Variants in ZNF254 observed in about 807,000 individuals in gnomAD.
ZNF254 encodes the protein CTD-2017D11.1.
Under a neutral mutation model 12.4 loss-of-function variants are expected in ZNF254, and 10 were observed. That is an observed-to-expected ratio of 0.80 (90% confidence interval 0.50 to 1.36). The LOEUF (loss-of-function observed/expected upper bound fraction) is 1.36, where lower values mean the gene tolerates loss of function less well. ZNF254 is among the 40% of genes most tolerant of loss of function. The pLI, the probability that ZNF254 is intolerant of heterozygous loss-of-function variation, is 0.00. For missense variants in ZNF254, 996 were observed against 763.9 expected (o/e 1.30, Z -3.58); for synonymous variants, 305 against 253.4 (o/e 1.20, Z -1.93).
At chr19:24,097,847 A>AC (rs1972765957) in intron 1 of ZNF254, among the ~76,000 whole-genome samples, 1 of 151,596 alleles carries the variant, frequency 6.6e-6, no homozygotes, top group African/African-American at 2.4e-5. Flanking sequence ...AACAACAACA[A>AC]AAAAAACAAT....
chr19:24,107,384 T>C (rs1298268379), intron 3 of ZNF254: 12 of 414,696 alleles, frequency 2.9e-5, no homozygotes, highest in Admixed American at 2.2e-4. Flanking sequence ...TTCATTGATA[T>C]ATCTTTCACT....
At chr19:24,071,116 CAGAG>C (rs949411164) in intron 2 of ZNF254, among the ~76,000 whole-genome samples, 144 of 152,210 alleles carry the variant, frequency 9.5e-4, no homozygotes, top group African/African-American at 3.4e-3. Context: ...TATGCAGAGA[CAGAG>C]GGAGGGGAGC....
intron 1 of ZNF254, among the ~76,000 whole-genome samples, chr19:24,040,904 T>A (rs1189084696): frequency 6.6e-6 from 1 of 152,254 alleles, no homozygotes; most frequent in Non-Finnish European, 1.5e-5. Context: ...CTCTGTGTGC[T>A]ATACTTTCTC....
intron 1 of ZNF254, among the ~76,000 whole-genome samples, chr19:24,036,672 T>G (rs62117633): frequency 0.14 from 21,551 of 152,146 alleles, 1,569 homozygotes; most frequent in East Asian, 0.18. Context: ...GGAGGGAGAC[T>G]CTTGGTTTCT....
Position 24,127,632 on chromosome 19 carries a change from A to T in ZNF254, c.1632A>T (p.Lys544Asn). The T allele has an allele frequency of 1.2e-6, 2 of 1,610,950 alleles. No homozygotes were observed. The highest frequency in any genetic ancestry group is 2.2e-5 in the South Asian group (2 of 90,952). ...TKHKIIHTEE[K>N]PYKCEKCGKA... ...ATAAGATAATTCATACTGAAGAGAA[A>T]CCCTACAAATGTGAAAAATGTGGCA... The change falls in exon 4 of 4, where the codon AAA becomes AAT. Residue 544 changes from lysine to asparagine, a missense_variant. Physicochemically the swap from Lys to Asn is moderately conservative, Grantham distance 94. Coordinates refer to ENST00000357002, the MANE Select transcript of ZNF254 (RefSeq NM_203282.4).
chr19:24,113,262 C>G (rs1179173973), intron 3 of ZNF254, among the ~76,000 whole-genome samples: 1 of 152,174 alleles, frequency 6.6e-6, no homozygotes, highest in Non-Finnish European at 1.5e-5. Context: ...CCTTGATGAA[C>G]ATCGATGCAA....
At position 24,038,847 on chromosome 19, in the gene ZNF254, C is replaced by G. The variant is rs1011782884; in HGVS notation, c.-190+5226C>G. Among the ~76,000 whole-genome samples the G allele has an allele frequency of 2.6e-5, 4 of 152,312 alleles. No homozygotes were observed. In the South Asian group the frequency reaches 8.3e-4, roughly 32 times the overall value. Reference sequence around the variant, plus strand: ...AACTATTCCAGCTCTGTCTTTCTATCCCCCTGGCATCTTCAGATGCGAAAT... The same window carrying G: ...AACTATTCCAGCTCTGTCTTTCTATGCCCCTGGCATCTTCAGATGCGAAAT... On this transcript the variant is annotated intron_variant, in intron 1 of 4. Coordinates refer to the ZNF254 transcript ENST00000613065.
At chr19:24,044,985 A>G (rs867887056) in intron 1 of ZNF254, among the ~76,000 whole-genome samples, 1 of 152,178 alleles carries the variant, frequency 6.6e-6, no homozygotes, top group African/African-American at 2.4e-5. Context: ...CCTTCAGAAT[A>G]TCTAATGTCT....
At chr19:24,076,793 G>T (rs371035849) in intron 2 of ZNF254, among the ~76,000 whole-genome samples, 1 of 152,102 alleles carries the variant, frequency 6.6e-6, no homozygotes, top group Non-Finnish European at 1.5e-5. Flanking sequence ...AAATAGATAC[G>T]CTTGATAATA....
chr19:24,113,022 A>T (rs1201118977), intron 3 of ZNF254, among the ~76,000 whole-genome samples: 2 of 152,226 alleles, frequency 1.3e-5, no homozygotes, highest in Non-Finnish European at 2.9e-5. Context: ...AAGGAGCTGA[A>T]ATTGTGGCAA....
At chr19:24,075,666 T>C (rs2063785418) in intron 2 of ZNF254, among the ~76,000 whole-genome samples, 1 of 152,204 alleles carries the variant, frequency 6.6e-6, no homozygotes. Flanking sequence ...TGTCCCGCTG[T>C]GCATGCATTG....
intron 3 of ZNF254, among the ~76,000 whole-genome samples, chr19:24,118,685 A>G (rs573431179): frequency 2.0e-5 from 3 of 152,158 alleles, no homozygotes; most frequent in African/African-American, 7.2e-5. Context: ...TTACTTACAT[A>G]TGCAGAAATT....
At chr19:24,059,874 C>G (rs889804487) in intron 2 of ZNF254, among the ~76,000 whole-genome samples, 4 of 152,130 alleles carry the variant, frequency 2.6e-5, no homozygotes, top group Admixed American at 6.5e-5. Context: ...GGACTGACAC[C>G]TAGGGGATGA....
At chr19:24,088,087 T>C (rs576536491) in intron 1 of ZNF254, among the ~76,000 whole-genome samples, 2 of 152,084 alleles carry the variant, frequency 1.3e-5, no homozygotes, top group African/African-American at 4.8e-5. Flanking sequence ...TTTTTATTTT[T>C]AGTAGAGACG....
intron 1 of ZNF254, chr19:24,091,888 T>A: frequency 1.0e-6 from 1 of 975,578 alleles, no homozygotes; most frequent in African/African-American, 1.8e-5. Flanking sequence ...TTAATTTTTT[T>A]TTTTTTTTTG....
chr19:24,069,724 G>C (rs1971414806), intron 2 of ZNF254, among the ~76,000 whole-genome samples: 1 of 151,878 alleles, frequency 6.6e-6, no homozygotes, highest in African/African-American at 2.4e-5. Flanking sequence ...AGGCCGAGGT[G>C]GGCGGATCAC....
intron 3 of ZNF254, among the ~76,000 whole-genome samples, chr19:24,115,510 T>A (rs1973991249): frequency 2.8e-5 from 4 of 143,262 alleles, no homozygotes; most frequent in African/African-American, 1.1e-4. Context: ...AAAATCACAC[T>A]CTGGGGATTG....
intron 1 of ZNF254, chr19:24,105,219 AG>A (rs1383015821): frequency 6.2e-6 from 1 of 162,408 alleles, no homozygotes; most frequent in Non-Finnish European, 1.3e-5. Flanking sequence ...ATCTTTATGG[AG>A]CTGATGTGCA....
intron 1 of ZNF254, among the ~76,000 whole-genome samples, chr19:24,040,943 A>G (rs546703451): frequency 1.4e-4 from 22 of 152,338 alleles, no homozygotes; most frequent in African/African-American, 5.3e-4. Context: ...ATCAGCATTA[A>G]CAGGGAACTT....
Sources: allele counts gnomAD v4.1 joint callset (sites outside exome capture counted in the v4.1 genomes callset), GRCh38; gene constraint gnomAD v4.1.1; transcripts MANE v1.5; gene names NCBI Gene and HGNC (gene_info 2026-07-23, HGNC 2026-07-21).